The following FYCO1 variants were observed in gnomAD, a reference collection of about 807,000 sequenced individuals.
The protein encoded by FYCO1 is FYVE and coiled-coil domain-containing protein 1.
A neutral mutation model predicts 165.1 loss-of-function variants in FYCO1; 122 were observed. That is an observed-to-expected ratio of 0.74 (90% CI 0.64 to 0.86). The LOEUF (loss-of-function observed/expected upper bound fraction) is 0.86, where lower values mean the gene tolerates loss of function less well. FYCO1 is among the 40% of genes least tolerant of loss of function. The pLI is 0.00. For synonymous variants in FYCO1, 648 were observed against 742.5 expected (o/e 0.87, Z 2.07); for missense variants, 1,702 against 1,810.3 (o/e 0.94, Z 1.09).
chr3:45,938,400 A>G lies in FYCO1; in HGVS notation c.3945-1857T>C, dbSNP rs988324703. ...CTGTGAATCAGTTTAGGAGGTTATG[A>G]CCAACATTAAAAGAGAAATAGAATA... On this transcript the variant is annotated intron_variant, in intron 14 of 17. Coordinates refer to ENST00000296137, the MANE Select transcript of FYCO1 (RefSeq NM_024513.4). The G allele has an allele frequency of 2.3e-5, 9 of 384,824 alleles. No individual in the cohort carries two copies. The Admixed American group carries it at 2.7e-4, about 11-fold the overall frequency. The allele number at this position is 384,824 out of a possible 1,614,324, so 23.8% of individuals were successfully genotyped here.
rs907110804 is a variant in FYCO1, at chr3:45,918,160, G to A, written c.*3605C>T. On this transcript the variant is annotated 3_prime_UTR_variant, in exon 18 of 18. Transcript: ENST00000296137. ...CAATTAAAGTGCAATTCCAAATGTT[G>A]AGCCTTCCAAATGAGGCTTGGGTAT... 2 of 152,734 alleles carry A rather than the reference G, an allele frequency of 1.3e-5. No individual in the cohort carries two copies. The highest frequency in any genetic ancestry group is 3.4e-3 in the Middle Eastern group (1 of 294). 9.5% of individuals were successfully genotyped at this position (152,734 alleles called of 1,614,324 possible). A position where few individuals can be genotyped will look rare whatever the true frequency, so the allele number is the denominator to read the frequency against.
chr3:45,988,598 CACA>C (rs1707421732), intron 1 of FYCO1, among the ~76,000 whole-genome samples: 1 of 152,334 alleles, frequency 6.6e-6, no homozygotes, highest in Non-Finnish European at 1.5e-5. Flanking sequence ...GTCCTTGTTG[CACA>C]ACATGTAAAA....
intron 1 of FYCO1, among the ~76,000 whole-genome samples, chr3:45,985,378 A>G (rs1191127716): frequency 6.6e-6 from 1 of 152,192 alleles, no homozygotes; most frequent in Non-Finnish European, 1.5e-5. Flanking sequence ...GCTACACGGA[A>G]TCAGTGCAGC....
intron 13 of FYCO1, among the ~76,000 whole-genome samples, chr3:45,957,135 C>T (rs978566466): frequency 6.6e-6 from 1 of 152,124 alleles, no homozygotes; most frequent in Non-Finnish European, 1.5e-5. Context: ...AAAATAAGGT[C>T]GGTTTTTGAC....
chr3:45,941,791 G>C (rs573709535), intron 14 of FYCO1, among the ~76,000 whole-genome samples: 12 of 152,362 alleles, frequency 7.9e-5, no homozygotes, highest in Admixed American at 4.6e-4. Flanking sequence ...GCTTGACAAG[G>C]CTCAGGCCAT....
chr3:45,987,289 C>T (rs1176846347), intron 1 of FYCO1, among the ~76,000 whole-genome samples: 1 of 152,132 alleles, frequency 6.6e-6, no homozygotes, highest in African/African-American at 2.4e-5. Flanking sequence ...CTGTTTACTG[C>T]CTTGATTACG....
intron 16 of FYCO1, among the ~76,000 whole-genome samples, chr3:45,925,560 G>A (rs1035725259): frequency 6.6e-5 from 10 of 152,242 alleles, no homozygotes; most frequent in Admixed American, 6.5e-4. Flanking sequence ...ATAAGGATGC[G>A]ATTACTTTCT....
intron 8 of FYCO1, 62 bp from the exon 9 acceptor site, chr3:45,965,187 G>A (rs1481039926): frequency 7.7e-7 from 1 of 1,296,518 alleles, no homozygotes; most frequent in Non-Finnish European, 1.1e-6. Flanking sequence ...GGATCCCTCA[G>A]CCCCCTCACC....
intron 14 of FYCO1, among the ~76,000 whole-genome samples, chr3:45,944,315 T>C (rs1334336335): frequency 6.6e-6 from 1 of 152,206 alleles, no homozygotes; most frequent in Non-Finnish European, 1.5e-5. Flanking sequence ...CAATTTTATA[T>C]CCTTTTGACA....
intron 6 of FYCO1, among the ~76,000 whole-genome samples, chr3:45,970,661 G>A (rs1354802700): frequency 6.6e-6 from 1 of 152,098 alleles, no homozygotes. Context: ...GGCACTGTTA[G>A]CATAAAAGCA....
At chr3:45,940,388 A>C (rs1704152595) in intron 14 of FYCO1, among the ~76,000 whole-genome samples, 1 of 152,228 alleles carries the variant, frequency 6.6e-6, no homozygotes. Context: ...CACGCACACT[A>C]AGAGGCAAAA....
chr3:45,981,486 C>T (rs1054909934), intron 3 of FYCO1, 84 bp downstream of exon 3: 21 of 905,020 alleles, frequency 2.3e-5, no homozygotes, highest in Middle Eastern at 2.1e-4. Context: ...GCTTTCTGAA[C>T]CATATCTTGA....
At chr3:45,992,834 C>A (rs1329913190) in intron 1 of FYCO1, among the ~76,000 whole-genome samples, 1 of 152,184 alleles carries the variant, frequency 6.6e-6, no homozygotes, top group African/African-American at 2.4e-5. Context: ...CCTTCCAGCT[C>A]CATTTTAAAC....
At position 45,967,379 on chromosome 3, in the gene FYCO1, C is replaced by T. The variant is rs139252192; in HGVS notation, c.1955G>A (p.Arg652Gln). 1.4e-4 allele frequency: 227 copies of T among 1,610,524 alleles called. 2 individuals are homozygous for T. The highest frequency in any genetic ancestry group is 1.9e-4 in the Non-Finnish European group (218 of 1,177,868). The change falls in exon 8 of 18, where the codon CGG becomes CAG. Residue 652 changes from arginine to glutamine, a missense_variant. Physicochemically the swap from Arg to Gln is conservative, Grantham distance 43. Coordinates refer to ENST00000296137, the MANE Select transcript of FYCO1 (RefSeq NM_024513.4). The stretch of plus-strand genomic sequence containing the variant: ...CAAGGAGCCCTGGATGGCTGATTCC[C>T]GCTGCTGCAAAGCCTGGTAATCGGC... Reference protein sequence around the residue: ...LQADYQALQQRESAIQGSLAS... With the variant: ...LQADYQALQQQESAIQGSLAS...
At chr3:45,939,252 C>A (rs1009177897) in intron 14 of FYCO1, among the ~76,000 whole-genome samples, 2 of 152,248 alleles carry the variant, frequency 1.3e-5, no homozygotes, top group Non-Finnish European at 2.9e-5. Flanking sequence ...ACAGCCCATG[C>A]CCAGTGAATA....
intron 11 of FYCO1, 59 bp from the exon 12 acceptor site, chr3:45,959,601 T>A: frequency 6.5e-7 from 1 of 1,545,958 alleles, no homozygotes; most frequent in South Asian, 1.1e-5. Context: ...AATAGGATGA[T>A]CCTTCTTCAT....
chr3:45,970,474 A>G (rs1198310060), intron 6 of FYCO1, among the ~76,000 whole-genome samples: 2 of 152,230 alleles, frequency 1.3e-5, no homozygotes, highest in African/African-American at 4.8e-5. Flanking sequence ...TCTTGGCAGC[A>G]CTGTAACTGG....
intron 14 of FYCO1, among the ~76,000 whole-genome samples, chr3:45,949,099 T>C (rs942014130): frequency 4.6e-5 from 7 of 152,190 alleles, no homozygotes; most frequent in Admixed American, 4.6e-4. Flanking sequence ...GTGTGTGGCA[T>C]ACCATGTGCA....
At chr3:45,974,385 C>A (rs570395381) in intron 5 of FYCO1, among the ~76,000 whole-genome samples, 2 of 152,108 alleles carry the variant, frequency 1.3e-5, no homozygotes, top group African/African-American at 2.4e-5. Context: ...GTGAACTGTG[C>A]GATCTTCACC....
Sources: allele counts gnomAD v4.1 joint callset (sites outside exome capture counted in the v4.1 genomes callset), GRCh38; gene constraint gnomAD v4.1.1; transcripts MANE v1.5; gene names NCBI Gene and HGNC (gene_info 2026-07-23, HGNC 2026-07-21).